Variants in CFAP74 observed in about 807,000 individuals in gnomAD.
CFAP74 encodes the protein cilia- and flagella-associated protein 74.
CFAP74 carries 124 observed loss-of-function variants against 188.9 expected under a neutral mutation model. The ratio of observed to expected loss-of-function variants is 0.66; its 90% CI spans 0.57 to 0.76. CFAP74 has a LOEUF of 0.76. Among genes scored for constraint, CFAP74 ranks in the 30% least tolerant of loss-of-function variants. The pLI is 0.00. For missense variants in CFAP74, 2,198 were observed against 2,165.2 expected (o/e 1.02, Z -0.30); for synonymous variants, 956 against 916.7 (o/e 1.04, Z -0.77).
intron 26 of CFAP74, among the ~76,000 whole-genome samples, 198 bp from the exon 27 acceptor site, chr1:1,929,080 G>T (rs1652152762): frequency 6.6e-6 from 1 of 151,960 alleles, no homozygotes; most frequent in South Asian, 2.1e-4. Flanking sequence ...GCAGGCGGGA[G>T]CACCAAACCC....
chr1:1,993,074 ACCT>A (rs2102112840), intron 1 of CFAP74, among the ~76,000 whole-genome samples: 1 of 151,082 alleles, frequency 6.6e-6, no homozygotes, highest in East Asian at 2.1e-4. Context: ...GGTGGCAGGC[ACCT>A]GTAGTCCCAG....
intron 15 of CFAP74, among the ~76,000 whole-genome samples, chr1:1,959,708 C>T (rs1342424365): frequency 6.6e-6 from 1 of 152,232 alleles, no homozygotes; most frequent in East Asian, 1.9e-4. Context: ...TGGAACATCC[C>T]AGCCCTCCCG....
chr1:1,971,829 C>A, intron 9 of CFAP74, 151 bp downstream of exon 9: 2 of 627,644 alleles, frequency 3.2e-6, no homozygotes, highest in Admixed American at 5.7e-5. Flanking sequence ...AAATCTGTGG[C>A]ACAGGCTCGG....
At position 1,925,944 on chromosome 1, in the gene CFAP74, G is replaced by C; in HGVS notation, c.3949-6C>G. The C allele has an allele frequency of 6.3e-7, 1 of 1,598,872 alleles. No individual in the cohort carries two copies. Among genetic ancestry groups the C allele is most frequent in the Non-Finnish European group, 8.5e-7 (1 of 1,173,096 alleles). The stretch of plus-strand genomic sequence containing the variant: ...ATGTCCAGTGTTTCTTGAGCCTAAA[G>C]AGACCACATCGCTCAGCCAGGAACC... On this transcript the variant is annotated splice_polypyrimidine_tract_variant and splice_region_variant and intron_variant, in intron 32 of 38. Coordinates refer to ENST00000682832, the MANE Select transcript of CFAP74 (RefSeq NM_001304360.2).
intron 5 of CFAP74, among the ~76,000 whole-genome samples, chr1:1,985,809 G>A (rs186818417): frequency 1.8e-4 from 28 of 152,344 alleles, no homozygotes; most frequent in Non-Finnish European, 3.4e-4. Flanking sequence ...CAGCACGTGC[G>A]ACAAGCCCCA....
At chr1:1,959,031 T>A in intron 16 of CFAP74, 89 bp downstream of exon 16, 3 of 861,750 alleles carry the variant, frequency 3.5e-6, no homozygotes, top group Non-Finnish European at 5.6e-6. Flanking sequence ...CCCGCCAACC[T>A]GCACCCCCTC....
intron 17 of CFAP74, among the ~76,000 whole-genome samples, chr1:1,956,233 G>A (rs560570352): frequency 1.4e-4 from 21 of 152,284 alleles, no homozygotes; most frequent in African/African-American, 4.3e-4. Flanking sequence ...GACAAGACGC[G>A]CTCACACTTG....
intron 9 of CFAP74, 27 bp from the exon 10 acceptor site, chr1:1,970,843 C>T (rs759835721): frequency 6.2e-7 from 1 of 1,612,216 alleles, no homozygotes; most frequent in Non-Finnish European, 8.5e-7. Flanking sequence ...ACTGAGATGA[C>T]AGCAGCAGCA....
At chr1:1,935,165 A>G (rs1652791498) in intron 25 of CFAP74, among the ~76,000 whole-genome samples, 2 of 79,076 alleles carry the variant, frequency 2.5e-5, no homozygotes, top group Admixed American at 1.5e-4. Flanking sequence ...GTAGGTACAC[A>G]CGTGTGTACG....
chr1:1,989,069 G>C (rs973023185), intron 2 of CFAP74, 96 bp from the exon 3 acceptor site: 1 of 584,884 alleles, frequency 1.7e-6, no homozygotes, highest in Non-Finnish European at 3.0e-6. Flanking sequence ...TTTGGGACAG[G>C]GTGTAAGGAA....
chr1:1,967,891 G>C (rs1165320310), intron 11 of CFAP74, among the ~76,000 whole-genome samples: 1 of 152,220 alleles, frequency 6.6e-6, no homozygotes, highest in Non-Finnish European at 1.5e-5. Context: ...GTGAGTGAGT[G>C]AGTGAATGAG....
chr1:1,930,406 G>T, intron 25 of CFAP74, 70 bp from the exon 26 acceptor site: 1 of 1,425,896 alleles, frequency 7.0e-7, no homozygotes, highest in Non-Finnish European at 9.3e-7. Flanking sequence ...AGGCGCGGGG[G>T]CCACTGGGTG....
rs561462407 is a variant in CFAP74, at chr1:1,928,550, C to T, written c.3387+234G>A. Among the ~76,000 whole-genome samples, 20 of 152,352 alleles carry T rather than the reference C, an allele frequency of 1.3e-4. 1 individual carries two copies. In the South Asian group the frequency reaches 3.1e-3, roughly 24 times the overall value. On this transcript the variant is annotated intron_variant, in intron 27 of 38. Transcript: ENST00000682832. The stretch of plus-strand genomic sequence containing the variant: ...GTCACAGCCCCTACTGCCCCCACCT[C>T]CAGAGCCCACCCTTCCCTGCTCCCG...
Position 1,928,795 on chromosome 1 carries a change from C to T in CFAP74, c.3376G>A (p.Glu1126Lys). The T allele has an allele frequency of 6.5e-7, 1 of 1,535,622 alleles. No homozygotes were observed. Among genetic ancestry groups the T allele is most frequent in the Non-Finnish European group, 8.7e-7 (1 of 1,146,686 alleles). Residue 1126 changes from glutamate to lysine, a missense_variant, in exon 27 of 39, where the codon GAG (glutamate) becomes AAG (lysine). Coordinates refer to ENST00000682832, the MANE Select transcript of CFAP74 (RefSeq NM_001304360.2). ...EALPLLNKEM[E>K]TKSFRKNMAP... Reference sequence around the variant, plus strand: ...CGGGCCCCACGCACAGATTTGGTCTCCATTTCTTTGTTCAGGAGTGGGAGG... The same window carrying T: ...CGGGCCCCACGCACAGATTTGGTCTTCATTTCTTTGTTCAGGAGTGGGAGG...
In CFAP74 at chr1:1,926,339, G is replaced by C. The variant is rs537172309; in HGVS notation, c.3837C>G (p.Phe1279Leu). The C allele has an allele frequency of 2.6e-6, 4 of 1,548,566 alleles. No individual in the cohort carries two copies. In the East Asian group the frequency reaches 7.3e-5, roughly 28 times the overall value. Residue 1279 changes from phenylalanine to leucine, a missense_variant, in exon 32 of 39, where the codon TTC becomes TTG. Coordinates refer to ENST00000682832, the MANE Select transcript of CFAP74 (RefSeq NM_001304360.2). ...AGGGGCCGTTGGGGTTCAGCAGGGA[G>C]AAGTCCAGCTGAGGGTCCACGTCAA... ...NVSPEDLALD[F>L]SLLNPNGPFV...
chr1:1,988,684 C>T, intron 3 of CFAP74, 29 bp from the exon 4 acceptor site: 1 of 1,601,320 alleles, frequency 6.2e-7, no homozygotes, highest in South Asian at 1.1e-5. Flanking sequence ...TCAGCTGCCA[C>T]CACCCCAGCT....
In CFAP74 at chr1:1,959,890, C is replaced by T. The variant is rs551236287; in HGVS notation, c.1761+74G>A. The T allele has an allele frequency of 1.7e-4, 218 of 1,312,696 alleles. 1 individual carries two copies. In the South Asian group the frequency reaches 2.1e-3, roughly 13 times the overall value. 81.3% of individuals were successfully genotyped at this position (1,312,696 alleles called of 1,614,324 possible). A position where few individuals can be genotyped will look rare whatever the true frequency, so the allele number is the denominator to read the frequency against. On this transcript the variant is annotated intron_variant, in intron 15 of 38. Coordinates refer to ENST00000682832, the MANE Select transcript of CFAP74 (RefSeq NM_001304360.2). ...TGCATCCTTCCCCCATCATGTTCTG[C>T]GCCACCATGCCCGATCACAGGCTCC... is the stretch of plus-strand genomic sequence containing the variant.
Position 1,922,323 on chromosome 1 carries a change from C to T in CFAP74, c.4884G>A (p.Lys1628=). ...QLRGDVKETY[K]VIFVAQVLTG... is the part of the protein sequence containing the mutation. The stretch of plus-strand genomic sequence containing the variant: ...TCAACACCTGGGCTACAAAGATGAC[C>T]TTGTAGGTCTCCTTCACATCCCCCC... Residue 1628 remains lysine (K), a synonymous_variant, in exon 39 of 39, where the codon AAG becomes AAA. Transcript: ENST00000682832. The T allele has an allele frequency of 1.2e-6, 2 of 1,606,176 alleles. No homozygotes were observed. Among genetic ancestry groups the T allele is most frequent in the Non-Finnish European group, 1.7e-6 (2 of 1,177,884 alleles).
At chr1:1,971,547 G>A (rs994119868) in intron 9 of CFAP74, among the ~76,000 whole-genome samples, 5 of 152,274 alleles carry the variant, frequency 3.3e-5, no homozygotes, top group East Asian at 1.9e-4. Flanking sequence ...CATCCCAAGC[G>A]TGGGGCTGGG....
Sources: gnomAD v4.1 joint callset for allele counts (sites outside exome capture counted in the v4.1 genomes callset) on GRCh38, gnomAD v4.1.1 for gene constraint, MANE v1.5 for transcripts, NCBI Gene and HGNC (gene_info 2026-07-23, HGNC 2026-07-21) for gene names.